The following MAPK4 variants were observed in gnomAD, a reference collection of about 807,000 sequenced individuals.
MAPK4 encodes the protein Erk3-related.
MAPK4 carries 22 observed loss-of-function variants against 47.7 expected under a neutral mutation model. That is an observed-to-expected ratio of 0.46 (90% CI 0.33 to 0.66). The LOEUF is 0.66. MAPK4 is among the 30% of genes least tolerant of loss of function. The pLI, the probability that MAPK4 is intolerant of heterozygous loss-of-function variation, is 0.02. For missense variants in MAPK4, 736 were observed against 831.7 expected, an observed-to-expected ratio of 0.88 and a Z score of 1.42; for synonymous variants, 390 against 365.7, an observed-to-expected ratio of 1.07 and a Z score of -0.76.
chr18:50,652,756 A>G (rs942801631), intron 1 of MAPK4, among the ~76,000 whole-genome samples: 1 of 152,174 alleles, frequency 6.6e-6, no homozygotes, highest in Non-Finnish European at 1.5e-5. Context: ...TAAAACTGAA[A>G]CAGAGAGAAA....
intron 1 of MAPK4, among the ~76,000 whole-genome samples, chr18:50,581,357 CAT>C (rs201125977): frequency 0.021 from 3,158 of 152,248 alleles, 46 homozygotes; most frequent in Non-Finnish European, 0.03. Context: ...CAAGGTCACT[CAT>C]GTGGCTGGAG....
chr18:50,637,111 C>T (rs1384745751), intron 1 of MAPK4, among the ~76,000 whole-genome samples: 1 of 152,106 alleles, frequency 6.6e-6, no homozygotes. Context: ...TAAGACATCT[C>T]CCATCTCTGG....
At chr18:50,640,287 G>A (rs1244456236) in intron 1 of MAPK4, among the ~76,000 whole-genome samples, 1 of 151,610 alleles carries the variant, frequency 6.6e-6, no homozygotes, top group Non-Finnish European at 1.5e-5. Flanking sequence ...GCTATTCAGG[G>A]GCCATGCTCT....
chr18:50,615,340 A>G (rs58693787), intron 1 of MAPK4, among the ~76,000 whole-genome samples: 38,164 of 152,134 alleles, frequency 0.25, 5,044 homozygotes, highest in East Asian at 0.46. Flanking sequence ...ATATAGCACT[A>G]CAGGACAAGC....
chr18:50,659,634 G>A (rs1267851109), intron 1 of MAPK4, among the ~76,000 whole-genome samples: 1 of 152,246 alleles, frequency 6.6e-6, no homozygotes, highest in East Asian at 1.9e-4. Flanking sequence ...CTGAGAGTCA[G>A]TGAGAAAGCA....
intron 1 of MAPK4, among the ~76,000 whole-genome samples, chr18:50,601,333 C>CAAAAAAA: frequency 1.9e-5 from 1 of 53,194 alleles, no homozygotes; most frequent in Admixed American, 2.4e-4. Context: ...GACTCTATGT[C>CAAAAAAA]AAAAAAAAAA....
intron 1 of MAPK4, among the ~76,000 whole-genome samples, chr18:50,579,471 G>C (rs1000922502): frequency 6.6e-6 from 1 of 152,218 alleles, no homozygotes; most frequent in African/African-American, 2.4e-5. Context: ...CACTTGAGAG[G>C]TATGTGTGGA....
At chr18:50,643,187 A>G (rs1262365678) in intron 1 of MAPK4, among the ~76,000 whole-genome samples, 2 of 152,250 alleles carry the variant, frequency 1.3e-5, no homozygotes, top group Non-Finnish European at 2.9e-5. Context: ...GTTGAAAACC[A>G]GTAAGCAGCA....
intron 1 of MAPK4, among the ~76,000 whole-genome samples, chr18:50,575,813 A>C (rs866253313): frequency 4.9e-5 from 7 of 143,200 alleles, no homozygotes; most frequent in Non-Finnish European, 9.2e-5. Context: ...AAAAAAAAAA[A>C]CCATTAAAAA....
intron 1 of MAPK4, among the ~76,000 whole-genome samples, chr18:50,619,541 C>G (rs2042713205): frequency 6.6e-6 from 1 of 151,944 alleles, no homozygotes; most frequent in African/African-American, 2.4e-5. Context: ...GTTGCCCAGG[C>G]TGGTCTCAAA....
chr18:50,696,524 G>C (rs977292499), intron 2 of MAPK4, among the ~76,000 whole-genome samples: 1 of 152,162 alleles, frequency 6.6e-6, no homozygotes, highest in African/African-American at 2.4e-5. Flanking sequence ...TCCTTGGAAA[G>C]AGGCAAATGA....
chr18:50,617,987 T>C lies in MAPK4; in HGVS notation c.-870-45102T>C, dbSNP rs564105953. Among the ~76,000 whole-genome samples, 36 of 152,346 alleles carry C rather than the reference T, an allele frequency of 2.4e-4. 3 individuals carry two copies. Among genetic ancestry groups the C allele is most frequent in the Middle Eastern group, 6.8e-3 (2 of 294 alleles). On this transcript the variant is annotated intron_variant, in intron 1 of 5. Coordinates refer to ENST00000400384, the MANE Select transcript of MAPK4 (RefSeq NM_002747.4). ...TCACTGCTTTATTAGGAATCAGCCA[T>C]TCTTTTGGAGGAGAGCTCCAACTTA... is the stretch of plus-strand genomic sequence containing the variant.
chr18:50,636,994 C>A (rs1172745833), intron 1 of MAPK4, among the ~76,000 whole-genome samples: 1 of 150,684 alleles, frequency 6.6e-6, no homozygotes, highest in Non-Finnish European at 1.5e-5. Flanking sequence ...AATCTTAAAA[C>A]CACTTAGAAA....
rs767794133 is a variant in MAPK4, at chr18:50,722,126, G to C, written c.853+27G>C. 4 of 1,605,814 alleles carry C rather than the reference G, an allele frequency of 2.5e-6. No homozygotes were observed. The Admixed American group carries it at 5.2e-5, about 21-fold the overall frequency. ...TACCTGAGCCTGGCAGCCAGGCCAA[G>C]TGTCCTGGGAGGATGAGCTAGGCTC... On this transcript the variant is annotated intron_variant, in intron 4 of 5. Coordinates refer to ENST00000400384, the MANE Select transcript of MAPK4 (RefSeq NM_002747.4).
intron 1 of MAPK4, among the ~76,000 whole-genome samples, chr18:50,589,112 C>T (rs2042413323): frequency 6.6e-6 from 1 of 152,166 alleles, no homozygotes. Flanking sequence ...GGTTGAGAAA[C>T]AGCTCTGGTA....
intron 2 of MAPK4, chr18:50,704,691 G>A (rs1033527293): frequency 4.8e-5 from 19 of 398,588 alleles, no homozygotes; most frequent in Non-Finnish European, 8.0e-5. Flanking sequence ...GGCTGGAATC[G>A]GAGGGAACTT....
At chr18:50,632,911 C>T (rs4939995) in intron 1 of MAPK4, among the ~76,000 whole-genome samples, 25,558 of 151,986 alleles carry the variant, frequency 0.17, 2,169 homozygotes, top group Non-Finnish European at 0.18. Context: ...TGAGCAACTG[C>T]GCCTGGCCTG....
At chr18:50,571,821 G>T (rs560411186) in intron 1 of MAPK4, among the ~76,000 whole-genome samples, 12 of 152,310 alleles carry the variant, frequency 7.9e-5, no homozygotes, top group Admixed American at 6.5e-4. Flanking sequence ...GCAAATTCCT[G>T]TACTTATCAG....
chr18:50,616,179 G>A (rs1275862489), intron 1 of MAPK4, among the ~76,000 whole-genome samples: 5 of 152,152 alleles, frequency 3.3e-5, no homozygotes, highest in African/African-American at 1.2e-4. Flanking sequence ...CCTTTGGGGG[G>A]ATAAAAGGGT....
Sources: allele counts gnomAD v4.1 joint callset (sites outside exome capture counted in the v4.1 genomes callset), GRCh38; gene constraint gnomAD v4.1.1; transcripts MANE v1.5; gene names NCBI Gene and HGNC (gene_info 2026-07-23, HGNC 2026-07-21).